Variants in ARHGEF17 observed in about 807,000 individuals in gnomAD.
The protein encoded by ARHGEF17 is 164 kDa Rho-specific guanine-nucleotide exchange factor.
A neutral mutation model predicts 174.0 loss-of-function variants in ARHGEF17; 80 were observed. The observed-to-expected ratio is 0.46, with a 90% CI of 0.38 to 0.55. ARHGEF17 has a LOEUF of 0.55. Among genes scored for constraint, ARHGEF17 ranks in the 20% least tolerant of loss-of-function variants. ARHGEF17 has a pLI of 0.00. For synonymous variants in ARHGEF17, 1,311 were observed against 1,189.1 expected (o/e 1.10, Z -2.11); for missense variants, 2,886 against 2,839.7 (o/e 1.02, Z -0.37).
chr11:73,367,797 C>G lies in ARHGEF17; in HGVS notation c.*17C>G, dbSNP rs774220216. ...AGGGTGTGACCCTGTCTGCCGTGGC[C>G]CAGGACTCGCCCGCCCACCTGCCTT... On this transcript the variant is annotated 3_prime_UTR_variant, in exon 21 of 21. Transcript: ENST00000263674. 1 of 1,592,526 alleles carries G rather than the reference C, an allele frequency of 6.3e-7. No individual in the cohort carries two copies. Among genetic ancestry groups the G allele is most frequent in the Admixed American group, 1.7e-5 (1 of 59,298 alleles).
Position 73,363,582 on chromosome 11 carries a change from G to A in ARHGEF17, c.5246+127G>A, listed in dbSNP as rs144421924. Reference sequence around the variant, plus strand: ...CACACCTCAGGGGTACTGCTGACCAGGGATGTCAGTGGGTCTGACAATCCC... The same window carrying A: ...CACACCTCAGGGGTACTGCTGACCAAGGATGTCAGTGGGTCTGACAATCCC... On this transcript the variant is annotated intron_variant, in intron 15 of 20. Coordinates refer to ENST00000263674, the MANE Select transcript of ARHGEF17 (RefSeq NM_014786.4). 467 of 1,507,990 alleles carry A rather than the reference G, an allele frequency of 3.1e-4. 8 individuals carry two copies. The East Asian group carries it at 0.011, about 34-fold the overall frequency. 93.4% of individuals were successfully genotyped at this position (1,507,990 alleles called of 1,614,324 possible).
intron 14 of ARHGEF17, 77 bp from the exon 15 acceptor site, chr11:73,363,129 G>A: frequency 6.9e-7 from 1 of 1,446,810 alleles, no homozygotes; most frequent in Non-Finnish European, 9.2e-7. Context: ...TGGCCAGGAG[G>A]GATGCATGGC....
intron 1 of ARHGEF17, among the ~76,000 whole-genome samples, chr11:73,315,918 AC>A (rs906493211): frequency 6.6e-6 from 1 of 151,672 alleles, no homozygotes; most frequent in Non-Finnish European, 1.5e-5. Flanking sequence ...GTAGGGACTT[AC>A]CCCTCCTGCT....
At chr11:73,344,775 A>T (rs527969847) in intron 1 of ARHGEF17, among the ~76,000 whole-genome samples, 8 of 152,252 alleles carry the variant, frequency 5.3e-5, no homozygotes, top group Non-Finnish European at 1.2e-4. Context: ...CACCACAGTC[A>T]CACAGCCAGT....
rs751450770 is a variant in ARHGEF17, at chr11:73,308,613, G to GC, written c.-19dup. ...GGTTGGCCGCGGCTGCCCGAGGCCAGCCCCCCCGGAGTGAGTTACGCCACT... is the reference window on the plus strand; with the variant it reads ...GGTTGGCCGCGGCTGCCCGAGGCCAGCCCCCCCCGGAGTGAGTTACGCCACT... On this transcript the variant is annotated 5_prime_UTR_variant, in exon 1 of 21. Transcript: ENST00000263674. 101 of 1,424,704 alleles carry GC rather than the reference G, an allele frequency of 7.1e-5. No homozygotes were observed. Among genetic ancestry groups the GC allele is most frequent in the Admixed American group, 2.2e-4 (7 of 31,552 alleles). The allele number at this position is 1,424,704 out of a possible 1,614,324, so 88.3% of individuals were successfully genotyped here.
At chr11:73,342,118 GTGGGAGCACAGTCTAGGGA>G (rs1340278416) in intron 1 of ARHGEF17, among the ~76,000 whole-genome samples, 18 of 136,122 alleles carry the variant, frequency 1.3e-4, no homozygotes, top group Middle Eastern at 3.5e-3. Context: ...CAGTCTAGGG[GTGGGAGCACAGTCTAGGGA>G]TGGGAGCACA....
intron 1 of ARHGEF17, among the ~76,000 whole-genome samples, chr11:73,339,149 GC>G (rs985630121): frequency 6.6e-6 from 1 of 152,202 alleles, no homozygotes; most frequent in Non-Finnish European, 1.5e-5. Context: ...CCTGCATCAT[GC>G]TTGCCATTTC....
In ARHGEF17 at chr11:73,309,343, C is replaced by T. The variant is rs771445885; in HGVS notation, c.705C>T (p.Ser235=). The T allele has an allele frequency of 6.2e-7, 1 of 1,610,648 alleles. No homozygotes were observed. The highest frequency in any genetic ancestry group is 8.5e-7 in the Non-Finnish European group (1 of 1,179,076). The change falls in exon 1 of 21, where the codon TCC becomes TCT. Residue 235 remains serine (S), a synonymous_variant. Transcript: ENST00000263674. ...CCCGGGCCTCCTGCTCCTCCTCCTC[C>T]ATCGCCGCCTCCTATCCTGTCAGCC... The part of the protein sequence containing the change: ...AGARASCSSS[S]IAASYPVSRS...
chr11:73,365,690 T>A lies in ARHGEF17; in HGVS notation c.5738T>A (p.Ile1913Asn). The change falls in exon 20 of 21, where the codon ATC becomes AAC. Residue 1913 changes from isoleucine to asparagine, a missense_variant. Physicochemically the swap from Ile to Asn is moderately radical, Grantham distance 149. Around this residue, in one of 4 missense-constraint regions of ARHGEF17, gnomAD observed 329 missense variants for 435.2 expected, o/e 0.76. Coordinates refer to ENST00000263674, the MANE Select transcript of ARHGEF17 (RefSeq NM_014786.4). This position sits in a 1 kb window ranked among gnomAD's most constrained non-coding sequence, Gnocchi z 4.9. ...TCTCCCACCCCAGGCTCGGATGCCA[T>A]CATCCGGCAGCACAAGGCTGCCTGT... ...VHRMLAGSDA[I>N]IRQHKAACLR... The A allele has an allele frequency of 6.2e-7, 1 of 1,612,566 alleles. No homozygotes were observed. Among genetic ancestry groups the A allele is most frequent in the Non-Finnish European group, 8.5e-7 (1 of 1,179,170 alleles).
intron 2 of ARHGEF17, among the ~76,000 whole-genome samples, chr11:73,350,948 A>G (rs1865543164): frequency 6.6e-6 from 1 of 152,238 alleles, no homozygotes; most frequent in South Asian, 2.1e-4. Flanking sequence ...CAGGCTGAGC[A>G]TTGGTGAGTG....
chr11:73,360,230 T>C, intron 10 of ARHGEF17, 90 bp from the exon 11 acceptor site: 1 of 1,441,746 alleles, frequency 6.9e-7, no homozygotes, highest in Non-Finnish European at 9.6e-7. Flanking sequence ...ACTTGCTGTC[T>C]AAGGAGAGAG....
intron 1 of ARHGEF17, among the ~76,000 whole-genome samples, chr11:73,322,783 G>A (rs1023683482): frequency 5.3e-5 from 8 of 152,072 alleles, no homozygotes; most frequent in Non-Finnish European, 1.0e-4. Flanking sequence ...TTCTGGGAGA[G>A]GAAGGGCTGG....
intron 2 of ARHGEF17, among the ~76,000 whole-genome samples, chr11:73,350,563 C>T (rs980018915): frequency 9.2e-5 from 14 of 152,318 alleles, no homozygotes; most frequent in African/African-American, 3.1e-4. Context: ...TCACTGCCCT[C>T]ACTAATTGAT....
intron 1 of ARHGEF17, among the ~76,000 whole-genome samples, chr11:73,337,132 G>C (rs1333380455): frequency 6.6e-6 from 1 of 152,224 alleles, no homozygotes; most frequent in African/African-American, 2.4e-5. Flanking sequence ...CACATTGTAA[G>C]AAGAACATGT....
In ARHGEF17 at chr11:73,310,728, C is replaced by G. The variant is rs373017048; in HGVS notation, c.2090C>G (p.Pro697Arg). The G allele has an allele frequency of 1.9e-6, 3 of 1,612,238 alleles. No homozygotes were observed. The highest frequency in any genetic ancestry group is 2.5e-6 in the Non-Finnish European group (3 of 1,179,080). ...DSLGGWALVS[P>R]ETPPTPGALR... is the part of the protein sequence containing the mutation. ...CTGGGCGGGTGGGCCCTGGTGTCGC[C>G]TGAGACCCCTCCCACACCAGGTGCC... is the stretch of plus-strand genomic sequence containing the variant. The change falls in exon 1 of 21, where the codon CCT becomes CGT. Residue 697 changes from proline (P) to arginine (R), a missense_variant. Around this residue, in one of 4 missense-constraint regions of ARHGEF17, gnomAD observed 1,728 missense variants for 1,461.2 expected, o/e 1.18. Coordinates refer to ENST00000263674, the MANE Select transcript of ARHGEF17 (RefSeq NM_014786.4).
rs1591753916 is a variant in ARHGEF17, at chr11:73,352,864, C to T, written c.3305C>T (p.Ser1102Phe). The T allele has an allele frequency of 1.9e-6, 3 of 1,614,112 alleles. No individual in the cohort carries two copies. Among genetic ancestry groups the T allele is most frequent in the East Asian group, 2.2e-5 (1 of 44,880 alleles). ...YMQPLKQPEN[S>F]VLCDPSLVDE... ...CAGCCGCTGAAGCAGCCAGAGAACTCCGTGCTCTGTGACCCTTCACTGGTG... is the reference window on the plus strand; with the variant it reads ...CAGCCGCTGAAGCAGCCAGAGAACTTCGTGCTCTGTGACCCTTCACTGGTG... The change falls in exon 3 of 21, where the codon TCC becomes TTC. Residue 1102 changes from serine to phenylalanine, a missense_variant. Ser to Phe is a radical substitution (Grantham distance 155). This residue lies in a region of ARHGEF17 where 353 missense variants were observed against 470.3 expected (regional missense o/e 0.75). Coordinates refer to ENST00000263674, the MANE Select transcript of ARHGEF17 (RefSeq NM_014786.4).
chr11:73,315,935 C>T (rs1164847277), intron 1 of ARHGEF17, among the ~76,000 whole-genome samples: 1 of 150,078 alleles, frequency 6.7e-6, no homozygotes, highest in Non-Finnish European at 1.5e-5. Flanking sequence ...CTGCTTCCCT[C>T]CCACCCTCCC....
chr11:73,361,251 G>A, intron 12 of ARHGEF17, 90 bp downstream of exon 12: 1 of 1,200,694 alleles, frequency 8.3e-7, no homozygotes, highest in Non-Finnish European at 1.2e-6. Context: ...TATATGCCGT[G>A]AACATTGCTA....
At chr11:73,351,160 A>C (rs2134414190) in intron 2 of ARHGEF17, among the ~76,000 whole-genome samples, 1 of 152,154 alleles carries the variant, frequency 6.6e-6, no homozygotes, top group South Asian at 2.1e-4. Flanking sequence ...CTGCCTGCCT[A>C]TCTCCTCACC....
Sources: allele counts gnomAD v4.1 joint callset (sites outside exome capture counted in the v4.1 genomes callset), GRCh38; gene constraint gnomAD v4.1.1; regional missense constraint gnomAD v4.1.1; non-coding constraint Gnocchi (gnomAD v3.1); transcripts MANE v1.5; gene names NCBI Gene and HGNC (gene_info 2026-07-23, HGNC 2026-07-21).